The following LRP1B variants were observed in gnomAD, a reference collection of about 807,000 sequenced individuals.
LRP1B encodes low-density lipoprotein receptor-related protein 1B.
A neutral mutation model predicts 556.6 loss-of-function variants in LRP1B; 217 were observed. The observed-to-expected ratio is 0.39, with a 90% CI of 0.35 to 0.44. The LOEUF is 0.44. Among genes scored for constraint, LRP1B ranks in the 20% least tolerant of loss-of-function variants. LRP1B has a pLI of 1.00. For missense variants in LRP1B, 5,053 were observed against 5,620.8 expected (o/e 0.90, Z 3.23); for synonymous variants, 2,047 against 1,865.8 (o/e 1.10, Z -2.50).
intron 1 of LRP1B, among the ~76,000 whole-genome samples, chr2:141,943,765 C>T (rs1273089813): frequency 2.0e-5 from 3 of 151,934 alleles, no homozygotes; most frequent in African/African-American, 7.3e-5. Context: ...ATAGAAGAGT[C>T]CTTGGTAGAC....
chr2:142,102,199 C>T (rs916049038), intron 1 of LRP1B, among the ~76,000 whole-genome samples: 8 of 151,872 alleles, frequency 5.3e-5, no homozygotes, highest in South Asian at 2.1e-4. Context: ...TCTAAAGCAG[C>T]GTCTCAAAAC....
At chr2:141,582,762 A>T (rs949800852) in intron 2 of LRP1B, among the ~76,000 whole-genome samples, 3 of 151,966 alleles carry the variant, frequency 2.0e-5, no homozygotes, top group South Asian at 2.1e-4. Context: ...GAAGCATTTT[A>T]AAAAAATTAG....
chr2:140,487,608 T>C lies in LRP1B; in HGVS notation c.9243+9A>G, dbSNP rs1465015841. ...ATTCAACAATCCCATCATTGTAATATTTAGTTACCTTAATGTCACTTCCAT... is the reference window on the plus strand; with the variant it reads ...ATTCAACAATCCCATCATTGTAATACTTAGTTACCTTAATGTCACTTCCAT... On this transcript the variant is annotated intron_variant, in intron 58 of 90. Coordinates refer to ENST00000389484, the MANE Select transcript of LRP1B (RefSeq NM_018557.3). 6.2e-7 allele frequency: 1 copy of C among 1,605,074 alleles called. No homozygotes were observed. Among genetic ancestry groups the C allele is most frequent in the South Asian group, 1.1e-5 (1 of 90,432 alleles).
intron 2 of LRP1B, among the ~76,000 whole-genome samples, chr2:141,709,697 C>T (rs16846925): frequency 0.15 from 23,416 of 152,042 alleles, 2,346 homozygotes; most frequent in African/African-American, 0.26. Context: ...CATCACTATA[C>T]GTGGTGTGTG....
At chr2:141,548,353 G>A (rs1294266887) in intron 2 of LRP1B, among the ~76,000 whole-genome samples, 2 of 152,166 alleles carry the variant, frequency 1.3e-5, no homozygotes, top group African/African-American at 4.8e-5. Flanking sequence ...AACTAAATAG[G>A]TAGATAAAAT....
At chr2:140,334,979 A>C (rs1028590540) in intron 78 of LRP1B, among the ~76,000 whole-genome samples, 1 of 152,022 alleles carries the variant, frequency 6.6e-6, no homozygotes, top group Non-Finnish European at 1.5e-5. Context: ...CCAAACAGAA[A>C]TTATTCTTTA....
intron 84 of LRP1B, among the ~76,000 whole-genome samples, chr2:140,288,042 T>C (rs1052991410): frequency 3.9e-5 from 6 of 151,938 alleles, no homozygotes; most frequent in Admixed American, 3.3e-4. Context: ...TATTATATAT[T>C]CTTTATTTGA....
At chr2:141,720,165 A>G (rs1302499869) in intron 2 of LRP1B, among the ~76,000 whole-genome samples, 1 of 152,168 alleles carries the variant, frequency 6.6e-6, no homozygotes, top group Non-Finnish European at 1.5e-5. Context: ...ATTGTCATCT[A>G]TCTGTGCTGA....
chr2:140,368,036 A>G (rs1284892882), intron 71 of LRP1B, among the ~76,000 whole-genome samples: 1 of 151,818 alleles, frequency 6.6e-6, no homozygotes, highest in Non-Finnish European at 1.5e-5. Flanking sequence ...GTGATAACCT[A>G]CTAAAGACTT....
intron 66 of LRP1B, among the ~76,000 whole-genome samples, chr2:140,406,367 TA>T (rs963419712): frequency 1.3e-4 from 20 of 151,932 alleles, no homozygotes; most frequent in African/African-American, 4.6e-4. Flanking sequence ...GAAAAAGAAA[TA>T]AAGGACATCT....
chr2:141,944,669 G>A (rs1700903786), intron 1 of LRP1B, among the ~76,000 whole-genome samples: 2 of 151,984 alleles, frequency 1.3e-5, no homozygotes, highest in Non-Finnish European at 2.9e-5. Context: ...AAAGAAAAAA[G>A]ACTTAGCATC....
rs150969401 is a variant in LRP1B, at chr2:140,498,980, T to C, written c.8850+2707A>G. 4.6e-4 allele frequency among the ~76,000 whole-genome samples: 70 copies of C among 152,028 alleles called. 1 individual carries two copies. In the East Asian group the frequency reaches 0.011, roughly 24 times the overall value. ...CATGTTTACATACTTAAAAACATCA[T>C]AGCAATTCTGTCTGATAACATATGC... On this transcript the variant is annotated intron_variant, in intron 55 of 90. Coordinates refer to ENST00000389484, the MANE Select transcript of LRP1B (RefSeq NM_018557.3).
intron 2 of LRP1B, among the ~76,000 whole-genome samples, chr2:141,703,593 T>C (rs935384792): frequency 6.6e-6 from 1 of 151,970 alleles, no homozygotes; most frequent in Admixed American, 6.6e-5. Context: ...AGGGATAGTA[T>C]TTTTAATTTT....
chr2:140,654,711 C>A (rs1427627186), intron 41 of LRP1B, among the ~76,000 whole-genome samples: 6 of 151,940 alleles, frequency 3.9e-5, no homozygotes, highest in African/African-American at 1.5e-4. Context: ...TCATTTTTGG[C>A]CATATGTTTA....
chr2:141,787,950 A>T (rs1574359604), intron 2 of LRP1B, among the ~76,000 whole-genome samples: 2 of 151,976 alleles, frequency 1.3e-5, no homozygotes, highest in South Asian at 4.1e-4. Flanking sequence ...TTATCATCAT[A>T]TATTGATGGA....
At chr2:142,078,697 T>C (rs1290957310) in intron 1 of LRP1B, among the ~76,000 whole-genome samples, 3 of 152,176 alleles carry the variant, frequency 2.0e-5, no homozygotes, top group African/African-American at 7.2e-5. Context: ...TTAAAAAATA[T>C]TATTTACTTT....
At chr2:140,970,802 A>G (rs1696397476) in intron 18 of LRP1B, among the ~76,000 whole-genome samples, 1 of 135,050 alleles carries the variant, frequency 7.4e-6, no homozygotes, top group African/African-American at 2.9e-5. Context: ...GTGTAATGGA[A>G]CACTCCTGGC....
intron 6 of LRP1B, among the ~76,000 whole-genome samples, chr2:141,209,575 G>A (rs541056879): frequency 1.3e-5 from 2 of 152,208 alleles, no homozygotes; most frequent in East Asian, 3.9e-4. Context: ...TTTTCAACAT[G>A]CTAATAGCAT....
chr2:141,230,921 T>C (rs1683435731), intron 5 of LRP1B, among the ~76,000 whole-genome samples: 1 of 152,232 alleles, frequency 6.6e-6, no homozygotes, highest in Admixed American at 6.5e-5. Flanking sequence ...TTCTGATTAT[T>C]TACTTCTATC....
Sources: gnomAD v4.1 joint callset for allele counts (sites outside exome capture counted in the v4.1 genomes callset) on GRCh38, gnomAD v4.1.1 for gene constraint, MANE v1.5 for transcripts, NCBI Gene and HGNC (gene_info 2026-07-23, HGNC 2026-07-21) for gene names.